Variants in SHISA9 observed in about 807,000 individuals in gnomAD.
The protein encoded by SHISA9 is shisa family member 9, also known as protein shisa-9.
In SHISA9, 13 loss-of-function variants were observed where a neutral mutation model predicts 38.0. The ratio of observed to expected loss-of-function variants is 0.34; its 90% CI spans 0.22 to 0.54. The LOEUF (loss-of-function observed/expected upper bound fraction) is 0.54, where lower values mean the gene tolerates loss of function less well. SHISA9 is among the 20% of genes least tolerant of loss of function. SHISA9 has a pLI of 0.91. For synonymous variants in SHISA9, 275 were observed against 242.0 expected, an observed-to-expected ratio of 1.14 and a Z score of -1.27; for missense variants, 538 against 575.8, an observed-to-expected ratio of 0.93 and a Z score of 0.67.
chr16:12,950,269 G>A (rs1264544067), intron 2 of SHISA9, among the ~76,000 whole-genome samples: 1 of 151,998 alleles, frequency 6.6e-6, no homozygotes, highest in Non-Finnish European at 1.5e-5. Context: ...CCATTCTTTG[G>A]TGGACATTTA....
At chr16:13,407,965 CTTA>C in the SHISA9 span, among the ~76,000 whole-genome samples, 3 of 152,080 alleles carry the variant, frequency 2.0e-5, no homozygotes, top group African/African-American at 7.2e-5. Context: ...AGATAGATGT[CTTA>C]TTATATGAGA....
the SHISA9 span, among the ~76,000 whole-genome samples, chr16:13,285,450 A>C: frequency 3.4e-5 from 5 of 145,800 alleles, no homozygotes; most frequent in Non-Finnish European, 6.0e-5. Context: ...TAAATGCCTT[A>C]ATTCAGGTGT....
the SHISA9 span, among the ~76,000 whole-genome samples, chr16:13,413,616 C>T: frequency 2.6e-5 from 4 of 151,692 alleles, no homozygotes; most frequent in African/African-American, 7.3e-5. Context: ...ATTAGGCGGG[C>T]GTGGTGGTGG....
the SHISA9 span, among the ~76,000 whole-genome samples, chr16:13,468,540 T>C: frequency 6.6e-6 from 1 of 152,252 alleles, no homozygotes; most frequent in Non-Finnish European, 1.5e-5. Context: ...TCTAATTCTA[T>C]CCTATGTTTC....
intron 2 of SHISA9, among the ~76,000 whole-genome samples, chr16:13,034,197 C>A (rs1340401373): frequency 6.6e-6 from 1 of 151,556 alleles, no homozygotes; most frequent in Non-Finnish European, 1.5e-5. Flanking sequence ...TTACCTATCC[C>A]AAGTAGAGAA....
chr16:12,943,310 T>A (rs1596541983), intron 2 of SHISA9, among the ~76,000 whole-genome samples: 2 of 104,470 alleles, frequency 1.9e-5, no homozygotes, highest in African/African-American at 8.3e-5. Context: ...TGTGTGTGTG[T>A]GTGTGTGTGT....
At chr16:13,277,859 A>C in the SHISA9 span, among the ~76,000 whole-genome samples, 3 of 152,078 alleles carry the variant, frequency 2.0e-5, no homozygotes, top group East Asian at 5.8e-4. Flanking sequence ...TATGGTCAGC[A>C]AACAGTGACG....
At chr16:12,957,449 G>A (rs2071851297) in intron 2 of SHISA9, among the ~76,000 whole-genome samples, 1 of 152,088 alleles carries the variant, frequency 6.6e-6, no homozygotes, top group African/African-American at 2.4e-5. Context: ...TCCTCTTCTG[G>A]GCTGCAGACT....
chr16:13,197,154 T>TAGAG (rs1224837606), intron 2 of SHISA9, among the ~76,000 whole-genome samples: 7 of 148,642 alleles, frequency 4.7e-5, no homozygotes, highest in Non-Finnish European at 9.0e-5. Context: ...TGTATATATA[T>TAGAG]ATAGAGAGAG....
the SHISA9 span, among the ~76,000 whole-genome samples, chr16:13,344,768 A>T: frequency 6.6e-6 from 1 of 152,150 alleles, no homozygotes; most frequent in African/African-American, 2.4e-5. Context: ...ATATGCCCCA[A>T]ATCTCACAAC....
intron 2 of SHISA9, among the ~76,000 whole-genome samples, chr16:12,995,043 T>G (rs2072440818): frequency 6.6e-6 from 1 of 152,010 alleles, no homozygotes; most frequent in Non-Finnish European, 1.5e-5. Flanking sequence ...TTTGGGCCAG[T>G]ATTTTTTTTT....
chr16:13,197,630 C>G (rs1044476383), intron 2 of SHISA9: 1 of 152,158 alleles, frequency 6.6e-6, no homozygotes, highest in Admixed American at 6.5e-5. Flanking sequence ...AGGACACCAT[C>G]AATTTGTCGT....
the SHISA9 span, among the ~76,000 whole-genome samples, chr16:13,300,614 A>G: frequency 9.9e-5 from 15 of 152,202 alleles, no homozygotes; most frequent in Admixed American, 3.9e-4. Flanking sequence ...AGTCAATTCA[A>G]TTGAGTCCTG....
the SHISA9 span, among the ~76,000 whole-genome samples, chr16:13,523,373 A>G: frequency 6.6e-6 from 1 of 152,172 alleles, no homozygotes; most frequent in Non-Finnish European, 1.5e-5. Context: ...AAAATAAATG[A>G]TGGAAGACCC....
At chr16:13,227,264 A>G (rs2051288433) in intron 4 of SHISA9, among the ~76,000 whole-genome samples, 1 of 152,250 alleles carries the variant, frequency 6.6e-6, no homozygotes, top group African/African-American at 2.4e-5. Context: ...AGAATGGATT[A>G]CAGGAGGTGA....
At chr16:13,428,767 T>C in the SHISA9 span, among the ~76,000 whole-genome samples, 2 of 85,150 alleles carry the variant, frequency 2.3e-5, no homozygotes, top group East Asian at 8.2e-4. Flanking sequence ...ATTTTATTGT[T>C]TTATTGTTTT....
At chr16:13,212,136 A>T (rs2051126644) in intron 3 of SHISA9, among the ~76,000 whole-genome samples, 1 of 152,198 alleles carries the variant, frequency 6.6e-6, no homozygotes, top group South Asian at 2.1e-4. Flanking sequence ...CTCTGTAATC[A>T]TTCAGATGAC....
intron 2 of SHISA9, among the ~76,000 whole-genome samples, chr16:13,114,900 CTCCATCCA>C (rs3075115): frequency 1.3e-3 from 195 of 149,786 alleles, no homozygotes; most frequent in African/African-American, 4.3e-3. Flanking sequence ...TTACATCTAA[CTCCATCCA>C]TCCATCCATC....
At chr16:13,304,043 G>A in the SHISA9 span, among the ~76,000 whole-genome samples, 9 of 152,090 alleles carry the variant, frequency 5.9e-5, no homozygotes, top group African/African-American at 2.2e-4. Context: ...AGCAGGAAAT[G>A]TACAAAAGGT....
Sources: allele counts gnomAD v4.1 joint callset (sites outside exome capture counted in the v4.1 genomes callset), GRCh38; gene constraint gnomAD v4.1.1; transcripts MANE v1.5; gene names NCBI Gene and HGNC (gene_info 2026-07-23, HGNC 2026-07-21).